NDNF: variants seen among roughly 807,000 people sequenced by gnomAD.
NDNF encodes the protein neuron derived neurotrophic factor.
Under a neutral mutation model 42.0 loss-of-function variants are expected in NDNF, and 16 were observed. The observed-to-expected ratio is 0.38, with a 90% CI of 0.26 to 0.58. The LOEUF (loss-of-function observed/expected upper bound fraction) is 0.58. Among genes scored for constraint, NDNF ranks in the 20% least tolerant of loss-of-function variants. The probability of loss-of-function intolerance (pLI) is 0.67; values close to 1 mark genes in which losing one functional copy is unlikely to be tolerated. For missense variants in NDNF, 616 were observed against 666.2 expected (o/e 0.92, Z 0.83); for synonymous variants, 248 against 251.7 (o/e 0.99, Z 0.14).
In NDNF at chr4:121,036,579, T is replaced by A. The variant is rs1397645; in HGVS notation, c.1392A>T (p.Ser464=). Residue 464 remains serine, a synonymous_variant, in exon 4 of 4, where the codon TCA becomes TCT. Coordinates refer to ENST00000379692, the MANE Select transcript of NDNF (RefSeq NM_024574.4). ...KAFDKLRTCS[S]ATVAWLGTQE... ...GAGTGCCTAGCCAAGCCACGGTGGC[T>A]GAGGAACAGGTACGGAGCTTGTCAA... 7.4e-6 allele frequency: 12 copies of A among 1,613,954 alleles called. No homozygotes were observed. The Admixed American group carries it at 1.8e-4, about 25-fold the overall frequency.
intron 1 of NDNF, among the ~76,000 whole-genome samples, chr4:121,060,606 C>T (rs533455815): frequency 6.6e-6 from 1 of 152,252 alleles, no homozygotes; most frequent in Non-Finnish European, 1.5e-5. Context: ...ACCAAAGTTT[C>T]TAGTTTGTTC....
At chr4:121,046,453 A>G (rs1727094851) in intron 1 of NDNF, among the ~76,000 whole-genome samples, 1 of 152,240 alleles carries the variant, frequency 6.6e-6, no homozygotes, top group Admixed American at 6.5e-5. Flanking sequence ...TCAAATTTTC[A>G]TAAGTCAAGG....
At chr4:121,041,072 A>C (rs1035828098) in intron 2 of NDNF, among the ~76,000 whole-genome samples, 1 of 152,244 alleles carries the variant, frequency 6.6e-6, no homozygotes, top group Non-Finnish European at 1.5e-5. Flanking sequence ...GAATTAAATA[A>C]CTTAATGATT....
rs1726864632 is a variant in NDNF, at chr4:121,036,363, C to A, written c.1608G>T (p.Gln536His). ...CATCCAGCAGGTAAGATTTGCCAGGCTGAAGACCTTTAATTGTTTCTGTGG... is the reference window on the plus strand; with the variant it reads ...CATCCAGCAGGTAAGATTTGCCAGGATGAAGACCTTTAATTGTTTCTGTGG... ...AVTTETIKGL[Q>H]PGKSYLLDVY... The change falls in exon 4 of 4, where the codon CAG (glutamine) becomes CAT (histidine). Residue 536 changes from glutamine (Q) to histidine (H), a missense_variant. By Grantham distance (24) the Gln-to-His change is conservative. Coordinates refer to ENST00000379692, the MANE Select transcript of NDNF (RefSeq NM_024574.4). 3 of 1,614,030 alleles carry A rather than the reference C, an allele frequency of 1.9e-6. No homozygotes were observed. The highest frequency in any genetic ancestry group is 1.1e-5 in the South Asian group (1 of 91,084).
chr4:121,047,349 A>G (rs1727111614), intron 1 of NDNF, among the ~76,000 whole-genome samples: 1 of 152,236 alleles, frequency 6.6e-6, no homozygotes, highest in African/African-American at 2.4e-5. Flanking sequence ...TAGAGCTACT[A>G]TGTGCAAAGC....
At chr4:121,042,266 A>C (rs1727011454) in intron 2 of NDNF, among the ~76,000 whole-genome samples, 1 of 152,188 alleles carries the variant, frequency 6.6e-6, no homozygotes, top group Middle Eastern at 3.2e-3. Flanking sequence ...AATAAAACCT[A>C]AGAATCCTAA....
In NDNF at chr4:121,039,995, T is replaced by C; in HGVS notation, c.248A>G (p.Asp83Gly). The change falls in exon 3 of 4, where the codon GAT (aspartate) becomes GGT (glycine). Residue 83 changes from aspartate to glycine, a missense_variant. Coordinates refer to ENST00000379692, the MANE Select transcript of NDNF (RefSeq NM_024574.4). ...TPLSVTVTPC[D>G]APLEWKLSLQ... ...GCTCAGCTTCCACTCCAAAGGCGCATCACAGGGCGTCACTGTGACTGATAA... is the reference window on the plus strand; with the variant it reads ...GCTCAGCTTCCACTCCAAAGGCGCACCACAGGGCGTCACTGTGACTGATAA... The C allele has an allele frequency of 1.2e-6, 2 of 1,614,072 alleles. No homozygotes were observed. The highest frequency in any genetic ancestry group is 1.7e-6 in the Non-Finnish European group (2 of 1,179,978).
At chr4:121,052,246 T>C (rs552717072) in intron 1 of NDNF, among the ~76,000 whole-genome samples, 15 of 152,272 alleles carry the variant, frequency 9.9e-5, no homozygotes, top group Non-Finnish European at 2.1e-4. Context: ...TTTGAAAAAA[T>C]ATATAGTATC....
chr4:121,066,001 T>C (rs1727493162), intron 1 of NDNF, among the ~76,000 whole-genome samples: 1 of 152,012 alleles, frequency 6.6e-6, no homozygotes, highest in Admixed American at 6.6e-5. Flanking sequence ...AAAAAGCATA[T>C]TTTTTCAGGT....
chr4:121,048,699 G>C (rs190206424), intron 1 of NDNF, among the ~76,000 whole-genome samples: 3 of 152,232 alleles, frequency 2.0e-5, no homozygotes, highest in Admixed American at 6.5e-5. Context: ...TTAGCTGCGT[G>C]TGGTGGTGGG....
At position 121,057,590 on chromosome 4, in the gene NDNF, C is replaced by T. The variant is rs554883503; in HGVS notation, c.-1-11752G>A. Among the ~76,000 whole-genome samples, 21 of 152,262 alleles carry T rather than the reference C, an allele frequency of 1.4e-4. No individual in the cohort carries two copies. The South Asian group carries it at 3.7e-3, about 27-fold the overall frequency. ...CTCTGACGTCCATTATCAGATGAAA[C>T]GGATTAGAGGCTCTCCGGCTCGCCC... is the stretch of plus-strand genomic sequence containing the variant. On this transcript the variant is annotated intron_variant, in intron 1 of 3. Transcript: ENST00000379692.
At chr4:121,042,978 C>T (rs557008722) in intron 2 of NDNF, among the ~76,000 whole-genome samples, 2 of 152,160 alleles carry the variant, frequency 1.3e-5, no homozygotes, top group East Asian at 3.9e-4. Context: ...GCAGGGAGAC[C>T]CTCTAAGTTA....
intron 1 of NDNF, among the ~76,000 whole-genome samples, chr4:121,046,724 T>C (rs1727100112): frequency 1.3e-5 from 2 of 152,360 alleles, no homozygotes; most frequent in South Asian, 2.1e-4. Flanking sequence ...CATTTGTCAC[T>C]GACTTTCATC....
intron 1 of NDNF, among the ~76,000 whole-genome samples, chr4:121,047,375 C>T (rs549517534): frequency 5.3e-5 from 8 of 152,280 alleles, no homozygotes; most frequent in Middle Eastern, 3.4e-3. Flanking sequence ...TCTAAGTTCA[C>T]GAGTTGCATT....
At chr4:121,051,007 C>T (rs1579315412) in intron 1 of NDNF, among the ~76,000 whole-genome samples, 1 of 152,104 alleles carries the variant, frequency 6.6e-6, no homozygotes, top group Admixed American at 6.5e-5. Flanking sequence ...TGAATATATA[C>T]ACACACATAT....
At chr4:121,059,446 A>C (rs1316280317) in intron 1 of NDNF, among the ~76,000 whole-genome samples, 1 of 152,216 alleles carries the variant, frequency 6.6e-6, no homozygotes, top group African/African-American at 2.4e-5. Context: ...TGCTAAACTT[A>C]TATATAATAG....
At chr4:121,037,679 C>A (rs773016317) in intron 3 of NDNF, 22 bp from the exon 4 acceptor site, 6 of 1,546,416 alleles carry the variant, frequency 3.9e-6, no homozygotes, top group Admixed American at 1.8e-5. Context: ...AGGAGAAGCA[C>A]AGGCTACTGT....
intron 3 of NDNF, among the ~76,000 whole-genome samples, chr4:121,039,156 TGTATATATATATATAAAG>T (rs1560603093): frequency 1.2e-5 from 1 of 83,408 alleles, no homozygotes; most frequent in African/African-American, 4.1e-5. Flanking sequence ...TATATATATA[TGTATATATATATATAAAG>T]ACTATGTGTG....
chr4:121,041,218 G>T (rs895371223), intron 2 of NDNF, among the ~76,000 whole-genome samples: 1 of 152,178 alleles, frequency 6.6e-6, no homozygotes, highest in Admixed American at 6.5e-5. Flanking sequence ...GACTTAGATG[G>T]TTTCATTTAA....
Sources: allele counts gnomAD v4.1 joint callset (sites outside exome capture counted in the v4.1 genomes callset), GRCh38; gene constraint gnomAD v4.1.1; transcripts MANE v1.5; gene names NCBI Gene and HGNC (gene_info 2026-07-23, HGNC 2026-07-21).